The following ETNK1 variants were observed in gnomAD, a reference collection of about 807,000 sequenced individuals.
ETNK1 encodes putative protein product of Nbla10396.
In ETNK1, 8 loss-of-function variants were observed where a neutral mutation model predicts 45.1. The observed-to-expected ratio is 0.18, with a 90% CI of 0.10 to 0.32. The LOEUF is 0.32. Ranked by LOEUF, ETNK1 falls within the 10% of genes least tolerant of loss-of-function variation. The pLI, the probability that ETNK1 is intolerant of heterozygous loss-of-function variation, is 1.00. For missense variants in ETNK1, 302 were observed against 430.6 expected (o/e 0.70, Z 2.64); for synonymous variants, 152 against 151.9 (o/e 1.00, Z -0.01).
At chr12:22,663,618 T>G (rs1278869849) in intron 4 of ETNK1, among the ~76,000 whole-genome samples, 1 of 152,192 alleles carries the variant, frequency 6.6e-6, no homozygotes, top group Non-Finnish European at 1.5e-5. Context: ...ACATAAAATC[T>G]TTATTCAGTT....
At chr12:22,626,251 G>A (rs1204336708) in intron 1 of ETNK1, 1 of 155,070 alleles carries the variant, frequency 6.4e-6, no homozygotes, top group Non-Finnish European at 1.4e-5. Context: ...GAGACACCGT[G>A]TTGATAGAGA....
intron 1 of ETNK1, chr12:22,639,070 C>CATGCGTTTGTATGTTTGT: frequency 6.6e-6 from 1 of 152,156 alleles, no homozygotes; most frequent in East Asian, 1.9e-4. Context: ...AAACTAGATC[C>CATGCGTTTGTATGTTTGT]ATGCGTTTGT....
chr12:22,648,901 G>A (rs963329433), intron 2 of ETNK1, among the ~76,000 whole-genome samples: 2 of 151,946 alleles, frequency 1.3e-5, no homozygotes, highest in African/African-American at 4.8e-5. Flanking sequence ...TAAGTGTTTT[G>A]GATTTTGGCC....
chr12:22,678,458 G>A (rs1049223308), intron 6 of ETNK1, among the ~76,000 whole-genome samples: 2 of 152,134 alleles, frequency 1.3e-5, no homozygotes, highest in Non-Finnish European at 2.9e-5. Flanking sequence ...ATAGTTTTAT[G>A]TATGGTGAAA....
At chr12:22,633,380 T>C (rs546618005) in intron 1 of ETNK1, among the ~76,000 whole-genome samples, 2 of 152,324 alleles carry the variant, frequency 1.3e-5, no homozygotes, top group East Asian at 3.9e-4. Context: ...GTTCTTTTCT[T>C]TTGGTCTGTT....
At chr12:22,675,447 C>T (rs1207654814) in intron 6 of ETNK1, among the ~76,000 whole-genome samples, 2 of 152,066 alleles carry the variant, frequency 1.3e-5, no homozygotes, top group Non-Finnish European at 2.9e-5. Context: ...CCTCAAACTC[C>T]TGAGCACAAG....
chr12:22,686,150 G>A lies in ETNK1; in HGVS notation c.*1196G>A, dbSNP rs1301605646. Reference sequence around the variant, plus strand: ...GAATTAAGCATAAATAGTCATGGCAGGAGGGCTTTTGTTTATTTCTCTTGT... The same window carrying A: ...GAATTAAGCATAAATAGTCATGGCAAGAGGGCTTTTGTTTATTTCTCTTGT... On this transcript the variant is annotated 3_prime_UTR_variant, in exon 8 of 8. Coordinates refer to ENST00000266517, the MANE Select transcript of ETNK1 (RefSeq NM_018638.5). 7 of 152,278 alleles carry A rather than the reference G, an allele frequency of 4.6e-5. No individual in the cohort carries two copies. Among genetic ancestry groups the A allele is most frequent in the Admixed American group, 4.6e-4 (7 of 15,244 alleles). 9.4% of individuals were successfully genotyped at this position (152,278 alleles called of 1,614,324 possible).
chr12:22,656,948 G>T (rs1316283920), intron 2 of ETNK1: 2 of 401,636 alleles, frequency 5.0e-6, no homozygotes, highest in African/African-American at 4.4e-5. Flanking sequence ...CAAGCTTTTT[G>T]TTTCCTCCTC....
rs188997030 is a variant in ETNK1, at chr12:22,678,425, A to G, written c.945+4765A>G. ...ACAGTATTTACCATTGATTTAAAAAATGTTCTCTTGTTGACTTTTGTGATA... is the reference window on the plus strand; with the variant it reads ...ACAGTATTTACCATTGATTTAAAAAGTGTTCTCTTGTTGACTTTTGTGATA... On this transcript the variant is annotated intron_variant, in intron 6 of 7. Coordinates refer to ENST00000266517, the MANE Select transcript of ETNK1 (RefSeq NM_018638.5). Among the ~76,000 whole-genome samples, 390 of 152,348 alleles carry G rather than the reference A, an allele frequency of 2.6e-3. 4 individuals are homozygous for G. The highest frequency in any genetic ancestry group is 3.3e-3 in the Admixed American group (51 of 15,294).
At chr12:22,637,394 A>G (rs1953669774) in intron 1 of ETNK1, among the ~76,000 whole-genome samples, 1 of 152,200 alleles carries the variant, frequency 6.6e-6, no homozygotes, top group African/African-American at 2.4e-5. Flanking sequence ...CCAAGAGTGA[A>G]AGTGGCCCAT....
chr12:22,683,376 T>A (rs1203630915), intron 6 of ETNK1, among the ~76,000 whole-genome samples: 2 of 151,988 alleles, frequency 1.3e-5, no homozygotes, highest in Non-Finnish European at 2.9e-5. Flanking sequence ...GCCTCCTGAA[T>A]AGCTGAATAG....
At position 22,627,001 on chromosome 12, in the gene ETNK1, A is replaced by G. The variant is rs1391721223; in HGVS notation, c.156+1415A>G. On this transcript the variant is annotated intron_variant, in intron 1 of 7. Transcript: ENST00000266517. ...TTATACATAAAACATTATTAATTAA[A>G]AAGTGCTACTTCCTGGTAAACTCTA... is the stretch of plus-strand genomic sequence containing the variant. Among the ~76,000 whole-genome samples the G allele has an allele frequency of 2.6e-5, 4 of 152,288 alleles. No individual in the cohort carries two copies. In the East Asian group the frequency reaches 7.7e-4, roughly 29 times the overall value.
At chr12:22,670,187 G>T (rs1460130233) in intron 4 of ETNK1, among the ~76,000 whole-genome samples, 1 of 152,084 alleles carries the variant, frequency 6.6e-6, no homozygotes, top group Non-Finnish European at 1.5e-5. Flanking sequence ...AAATAACAAT[G>T]TGTAAAGACC....
chr12:22,640,100 G>C (rs1953715512), intron 1 of ETNK1, among the ~76,000 whole-genome samples: 1 of 152,126 alleles, frequency 6.6e-6, no homozygotes, highest in African/African-American at 2.4e-5. Flanking sequence ...ATTTGTTAAA[G>C]GGTAAGTTTA....
At chr12:22,630,644 G>A (rs574438488) in intron 1 of ETNK1, among the ~76,000 whole-genome samples, 4 of 151,784 alleles carry the variant, frequency 2.6e-5, no homozygotes, top group African/African-American at 4.8e-5. Context: ...ACAGAGTCTC[G>A]CTGTAGCCCA....
intron 3 of ETNK1, among the ~76,000 whole-genome samples, chr12:22,660,200 T>C (rs892631728): frequency 1.3e-5 from 2 of 152,020 alleles, no homozygotes; most frequent in African/African-American, 4.8e-5. Flanking sequence ...GTAAAAAGAA[T>C]CTGTATTATA....
At chr12:22,683,110 C>T (rs370980891) in intron 6 of ETNK1, among the ~76,000 whole-genome samples, 5 of 152,258 alleles carry the variant, frequency 3.3e-5, no homozygotes, top group African/African-American at 1.2e-4. Flanking sequence ...GAAATAAACG[C>T]ACCACGTGAA....
At chr12:22,652,582 G>A (rs925532696) in intron 2 of ETNK1, among the ~76,000 whole-genome samples, 4 of 152,100 alleles carry the variant, frequency 2.6e-5, no homozygotes, top group African/African-American at 9.7e-5. Context: ...CTTTTGATTT[G>A]CGTTTGCCTA....
At chr12:22,661,887 C>T (rs967596038) in intron 4 of ETNK1, among the ~76,000 whole-genome samples, 8 of 152,024 alleles carry the variant, frequency 5.3e-5, no homozygotes, top group African/African-American at 9.7e-5. Context: ...AAGAACCACT[C>T]GGTTGTATTA....
Sources: allele counts gnomAD v4.1 joint callset (sites outside exome capture counted in the v4.1 genomes callset), GRCh38; gene constraint gnomAD v4.1.1; transcripts MANE v1.5; gene names NCBI Gene and HGNC (gene_info 2026-07-23, HGNC 2026-07-21).